The following BTRC variants were observed in gnomAD, a reference collection of about 807,000 sequenced individuals.
BTRC encodes beta-transducin repeat containing E3 ubiquitin protein ligase.
BTRC carries 42 observed loss-of-function variants against 85.5 expected under a neutral mutation model. The observed-to-expected ratio is 0.49, with a 90% CI of 0.38 to 0.64. The LOEUF is 0.64. Ranked by LOEUF, BTRC falls within the 30% of genes least tolerant of loss-of-function variation. The pLI, the probability that BTRC is intolerant of heterozygous loss-of-function variation, is 0.00. For missense variants in BTRC, 594 were observed against 743.5 expected, an observed-to-expected ratio of 0.80 and a Z score of 2.34; for synonymous variants, 255 against 263.3, an observed-to-expected ratio of 0.97 and a Z score of 0.30.
At chr10:101,535,312 A>G (rs759664957) in intron 10 of BTRC, 42 bp from the exon 11 acceptor site, 32 of 1,481,390 alleles carry the variant, frequency 2.2e-5, no homozygotes, top group Admixed American at 1.0e-4. Flanking sequence ...TTTTACCAAT[A>G]AAAGCACCAA....
chr10:101,526,300 A>G (rs1311757792), intron 6 of BTRC, 101 bp downstream of exon 6: 2 of 1,015,448 alleles, frequency 2.0e-6, no homozygotes, highest in Admixed American at 2.7e-5. Context: ...TTCTCATTTA[A>G]TATGGTGATT....
intron 4 of BTRC, among the ~76,000 whole-genome samples, chr10:101,496,515 A>G (rs567140135): frequency 6.6e-6 from 1 of 152,332 alleles, no homozygotes; most frequent in African/African-American, 2.4e-5. Context: ...TCCTGGCCTC[A>G]GGCAGTCCTC....
At chr10:101,358,968 T>A (rs1424287820) in intron 1 of BTRC, among the ~76,000 whole-genome samples, 1 of 152,178 alleles carries the variant, frequency 6.6e-6, no homozygotes, top group Non-Finnish European at 1.5e-5. Flanking sequence ...GCTAGTTGGA[T>A]GTTAAGGCTA....
At chr10:101,445,962 A>C (rs755264540) in intron 2 of BTRC, among the ~76,000 whole-genome samples, 2 of 152,188 alleles carry the variant, frequency 1.3e-5, no homozygotes, top group African/African-American at 2.4e-5. Flanking sequence ...GAGAATACTG[A>C]ATAGGAATGA....
chr10:101,423,769 C>T (rs918923595), intron 1 of BTRC, among the ~76,000 whole-genome samples: 6 of 152,112 alleles, frequency 3.9e-5, no homozygotes, highest in Non-Finnish European at 8.8e-5. Context: ...AGTTTATTCC[C>T]GGTAAACTTT....
intron 1 of BTRC, among the ~76,000 whole-genome samples, chr10:101,427,255 C>T (rs1335418138): frequency 1.3e-5 from 2 of 151,012 alleles, no homozygotes; most frequent in African/African-American, 2.4e-5. Flanking sequence ...GTAGCTGGGA[C>T]TATAGGCGTG....
intron 14 of BTRC, 93 bp downstream of exon 14, chr10:101,550,984 T>C: frequency 8.3e-7 from 1 of 1,211,052 alleles, no homozygotes; most frequent in Non-Finnish European, 1.1e-6. Flanking sequence ...CTCCTGCCGT[T>C]TGGGTCACCA....
At chr10:101,461,329 C>G (rs972160570) in intron 2 of BTRC, among the ~76,000 whole-genome samples, 1 of 152,092 alleles carries the variant, frequency 6.6e-6, no homozygotes, top group Admixed American at 6.5e-5. Context: ...CATATATTGA[C>G]TAGCAGATTT....
chr10:101,520,528 G>A (rs1310841843), intron 4 of BTRC, among the ~76,000 whole-genome samples: 2 of 152,102 alleles, frequency 1.3e-5, no homozygotes, highest in East Asian at 1.9e-4. Context: ...TGGGAAATAC[G>A]GAATATTTTA....
At chr10:101,367,016 ATT>A (rs1308448752) in intron 1 of BTRC, among the ~76,000 whole-genome samples, 14 of 76,236 alleles carry the variant, frequency 1.8e-4, no homozygotes, top group African/African-American at 6.5e-4. Context: ...TTATATATAT[ATT>A]TATATTTATA....
intron 3 of BTRC, among the ~76,000 whole-genome samples, 193 bp downstream of exon 3, chr10:101,462,251 A>T (rs2134171639): frequency 6.6e-6 from 1 of 152,356 alleles, no homozygotes; most frequent in African/African-American, 2.4e-5. Context: ...TTCTAGGTAT[A>T]CATGTACAGG....
intron 1 of BTRC, among the ~76,000 whole-genome samples, chr10:101,399,348 A>AT (rs1943441577): frequency 8.3e-6 from 1 of 120,754 alleles, no homozygotes; most frequent in Non-Finnish European, 1.7e-5. Context: ...TTTTTTTAGA[A>AT]TTTTTAAAAA....
chr10:101,404,030 A>AT lies in BTRC; in HGVS notation c.49-26296dup, dbSNP rs1160307747. On this transcript the variant is annotated intron_variant, in intron 1 of 14. Coordinates refer to ENST00000370187, the MANE Select transcript of BTRC (RefSeq NM_033637.4). Reference sequence around the variant, plus strand: ...TATATATATATATATATATATATATATTTTTTTTTTTTTTTTTTTGAGACA... The same window carrying AT: ...TATATATATATATATATATATATATATTTTTTTTTTTTTTTTTTTTGAGACA... 2.8e-3 allele frequency among the ~76,000 whole-genome samples: 70 copies of AT among 25,440 alleles called. 6 individuals carry two copies. Among genetic ancestry groups the AT allele is most frequent in the Admixed American group, 0.01 (11 of 1,080 alleles). 16.7% of individuals were successfully genotyped at this position (25,440 alleles called of 152,430 possible).
intron 1 of BTRC, among the ~76,000 whole-genome samples, chr10:101,369,438 A>G (rs1942570466): frequency 6.6e-6 from 1 of 152,168 alleles, no homozygotes; most frequent in Non-Finnish European, 1.5e-5. Flanking sequence ...GCCAGTGGGA[A>G]GTGCATTCAA....
chr10:101,473,316 A>G (rs1589516843), intron 3 of BTRC, among the ~76,000 whole-genome samples: 1 of 150,470 alleles, frequency 6.6e-6, no homozygotes, highest in Non-Finnish European at 1.5e-5. Flanking sequence ...ATAGGGTCTC[A>G]CTCTGTTGCT....
In BTRC at chr10:101,475,953, A is replaced by ATATATATATATATATATT. The variant is rs1265691229; in HGVS notation, c.235-3414_235-3413insATATATATATATATATTT. On this transcript the variant is annotated intron_variant, in intron 3 of 14. Coordinates refer to ENST00000370187, the MANE Select transcript of BTRC (RefSeq NM_033637.4). ...TATATATATATATATATATATATAT[A>ATATATATATATATATATT]TTCAGTAATTCCTAAGGGGAAAATA... is the stretch of plus-strand genomic sequence containing the variant. Among the ~76,000 whole-genome samples the ATATATATATATATATATT allele has an allele frequency of 1.4e-3, 185 of 133,736 alleles. 15 individuals carry two copies. Among genetic ancestry groups the ATATATATATATATATATT allele is most frequent in the African/African-American group, 4.4e-3 (149 of 33,922 alleles). The allele number at this position is 133,736 out of a possible 152,430, so 87.7% of individuals were successfully genotyped here.
chr10:101,510,963 A>G (rs1325923972), intron 4 of BTRC, among the ~76,000 whole-genome samples: 1 of 152,092 alleles, frequency 6.6e-6, no homozygotes, highest in Admixed American at 6.6e-5. Flanking sequence ...CTGCTTTTGC[A>G]ACTTGCTCTT....
intron 1 of BTRC, among the ~76,000 whole-genome samples, chr10:101,366,765 G>GC (rs1942387617): frequency 1.8e-5 from 1 of 55,456 alleles, no homozygotes; most frequent in East Asian, 8.5e-4. Context: ...ACTTAATCTA[G>GC]TTATATATAT....
chr10:101,525,936 G>C, intron 5 of BTRC, 77 bp from the exon 6 acceptor site: 1 of 1,417,572 alleles, frequency 7.1e-7, no homozygotes, highest in East Asian at 2.4e-5. Flanking sequence ...ATGCTGTTCT[G>C]TTTTAAAGGA....
Sources: allele counts gnomAD v4.1 joint callset (sites outside exome capture counted in the v4.1 genomes callset), GRCh38; gene constraint gnomAD v4.1.1; transcripts MANE v1.5; gene names NCBI Gene and HGNC (gene_info 2026-07-23, HGNC 2026-07-21).